The following MTRFR variants were observed in gnomAD, a reference collection of about 807,000 sequenced individuals.
The protein encoded by MTRFR is probable peptide chain release factor C12orf65, mitochondrial.
A neutral mutation model predicts 11.9 loss-of-function variants in MTRFR; 10 were observed. The ratio of observed to expected loss-of-function variants is 0.84; its 90% CI spans 0.52 to 1.42. The LOEUF (loss-of-function observed/expected upper bound fraction) is 1.42, where lower values mean the gene tolerates loss of function less well. Ranked by LOEUF, MTRFR falls within the 40% of genes most tolerant of loss-of-function variation. The pLI is 0.00. For synonymous variants in MTRFR, 77 were observed against 79.1 expected (o/e 0.97, Z 0.14); for missense variants, 196 against 197.9 (o/e 0.99, Z 0.06).
At chr12:123,253,582 A>C in intron 1 of MTRFR, 65 bp from the exon 2 acceptor site, 1 of 1,510,254 alleles carries the variant, frequency 6.6e-7, no homozygotes, top group South Asian at 1.1e-5. Flanking sequence ...CTGTCTTTGA[A>C]TCTGAAGCAT....
rs774090934 is a variant in MTRFR, at chr12:123,253,886, G to A, written c.212G>A (p.Gly71Glu). ...CAGTTTGTGAAAGGACACGGTCCAGGGGGCCAGGCAACCAACAAAACCAGC... is the reference window on the plus strand; with the variant it reads ...CAGTTTGTGAAAGGACACGGTCCAGAGGGCCAGGCAACCAACAAAACCAGC... ...EEQFVKGHGP[G>E]GQATNKTSNC... Residue 71 changes from glycine to glutamate, a missense_variant, in exon 2 of 3, where the codon GGG becomes GAG. Gly to Glu is a moderately conservative substitution (Grantham distance 98, BLOSUM62 -2). Coordinates refer to ENST00000253233, the MANE Select transcript of MTRFR (RefSeq NM_152269.5). 1.2e-6 allele frequency: 2 copies of A among 1,614,204 alleles called. No individual in the cohort carries two copies. The highest frequency in any genetic ancestry group is 3.3e-5 in the Admixed American group (2 of 60,018).
At chr12:123,247,045 A>G (rs1565995002) in intron 1 of MTRFR, among the ~76,000 whole-genome samples, 1 of 151,872 alleles carries the variant, frequency 6.6e-6, no homozygotes. Flanking sequence ...AATTTTCTTA[A>G]ATTTATTGAG....
At chr12:123,241,774 G>A (rs2047942273) in intron 1 of MTRFR, among the ~76,000 whole-genome samples, 1 of 152,212 alleles carries the variant, frequency 6.6e-6, no homozygotes, top group African/African-American at 2.4e-5. Context: ...TCCGGCCACA[G>A]GCCTTGTTGC....
At position 123,253,723 on chromosome 12, in the gene MTRFR, T is replaced by C. The variant is rs1324562992; in HGVS notation, c.49T>C (p.Cys17Arg). The C allele has an allele frequency of 2.5e-6, 4 of 1,614,192 alleles. No homozygotes were observed. Among genetic ancestry groups the C allele is most frequent in the Non-Finnish European group, 3.4e-6 (4 of 1,180,038 alleles). Residue 17 changes from cysteine (C) to arginine (R), a missense_variant, in exon 2 of 3, where the codon TGC becomes CGC. Coordinates refer to ENST00000253233, the MANE Select transcript of MTRFR (RefSeq NM_152269.5). ...TTTTCCTACACCACTGACCCGAATA[T>C]GCCCGGCGCCATGGGGACTCCGGCT... ...FHFPTPLTRI[C>R]PAPWGLRLWE...
rs1158813876 is a variant in MTRFR, at chr12:123,256,825, A to G, written c.295A>G (p.Arg99Gly). The change falls in exon 3 of 3, where the codon AGA (arginine) becomes GGA (glycine). Residue 99 changes from arginine to glycine, a missense_variant. Transcript: ENST00000253233. ...SGIVVKCHQT[R>G]SVDQNRKLAR... ...TTATCTCTTACAGTGCCATCAGACA[A>G]GATCAGTTGATCAGAACAGAAAGCT... 2.5e-6 allele frequency: 4 copies of G among 1,612,232 alleles called. No homozygotes were observed. The highest frequency in any genetic ancestry group is 3.4e-6 in the Non-Finnish European group (4 of 1,178,316).
chr12:123,237,923 TCTCA>T, intron 1 of MTRFR, among the ~76,000 whole-genome samples: 1 of 149,866 alleles, frequency 6.7e-6, no homozygotes, highest in South Asian at 2.1e-4. Flanking sequence ...TGAGACGGAG[TCTCA>T]CTCTGTCACC....
chr12:123,239,130 A>G (rs1165648088), intron 1 of MTRFR, among the ~76,000 whole-genome samples: 11 of 152,130 alleles, frequency 7.2e-5, no homozygotes, highest in Admixed American at 7.2e-4. Flanking sequence ...TTAGCCAGGC[A>G]TGCTGGTACA....
chr12:123,235,870 C>G (rs2047842939), intron 1 of MTRFR, among the ~76,000 whole-genome samples: 1 of 151,754 alleles, frequency 6.6e-6, no homozygotes, highest in South Asian at 2.1e-4. Context: ...TCGAGACCAG[C>G]CTGGCCAACA....
chr12:123,250,751 G>C (rs1305767239), intron 1 of MTRFR: 1 of 152,302 alleles, frequency 6.6e-6, no homozygotes, highest in African/African-American at 2.4e-5. Context: ...CTGTTCGGTG[G>C]AGGTGGCAGA....
At chr12:123,236,066 AAAAT>A (rs1177514764) in intron 1 of MTRFR, among the ~76,000 whole-genome samples, 3 of 152,094 alleles carry the variant, frequency 2.0e-5, no homozygotes, top group Non-Finnish European at 4.4e-5. Flanking sequence ...TCGTCTCAAA[AAAAT>A]AAATAAATAA....
chr12:123,244,420 G>A (rs1217941398), intron 1 of MTRFR, among the ~76,000 whole-genome samples: 7 of 150,922 alleles, frequency 4.6e-5, no homozygotes, highest in Non-Finnish European at 7.4e-5. Context: ...CAGCAAGAGC[G>A]AAACTCCATC....
chr12:123,246,775 G>T (rs2048048735), intron 1 of MTRFR, among the ~76,000 whole-genome samples: 1 of 132,026 alleles, frequency 7.6e-6, no homozygotes, highest in Non-Finnish European at 1.5e-5. Flanking sequence ...CTGTCGCCCA[G>T]GCTGGAGTGC....
At chr12:123,249,674 C>T (rs923332976) in intron 1 of MTRFR, 9 of 152,432 alleles carry the variant, frequency 5.9e-5, no homozygotes, top group South Asian at 2.1e-4. Context: ...TCCCCACAAG[C>T]GGAGGGAGCC....
chr12:123,242,956 ATTTTG>A (rs1169287416), intron 1 of MTRFR, among the ~76,000 whole-genome samples: 1 of 152,202 alleles, frequency 6.6e-6, no homozygotes, highest in Non-Finnish European at 1.5e-5. Flanking sequence ...ACACAAATGA[ATTTTG>A]TTTTGTGGAT....
At chr12:123,241,873 T>C (rs1201351738) in intron 1 of MTRFR, among the ~76,000 whole-genome samples, 1 of 152,198 alleles carries the variant, frequency 6.6e-6, no homozygotes, top group African/African-American at 2.4e-5. Flanking sequence ...CCAGATCCAG[T>C]CATGAAGAAC....
At chr12:123,246,412 T>G (rs780316868) in intron 1 of MTRFR, among the ~76,000 whole-genome samples, 20 of 152,194 alleles carry the variant, frequency 1.3e-4, no homozygotes, top group Non-Finnish European at 2.2e-4. Context: ...GCAGGTTATT[T>G]AATTTGCATG....
intron 1 of MTRFR, among the ~76,000 whole-genome samples, chr12:123,245,243 C>T (rs922861669): frequency 6.6e-6 from 1 of 152,098 alleles, no homozygotes; most frequent in Non-Finnish European, 1.5e-5. Context: ...GCCCTACGTG[C>T]CTATTTTTAT....
chr12:123,253,107 T>TTTTTTTTTTTTTTTG lies in MTRFR; in HGVS notation c.-28-540_-28-539insTTTTTTTTTTTTTTG, dbSNP rs766114484. 2.4e-3 allele frequency among the ~76,000 whole-genome samples: 149 copies of TTTTTTTTTTTTTTTG among 63,358 alleles called. 53 individuals carry two copies. Among genetic ancestry groups the TTTTTTTTTTTTTTTG allele is most frequent in the Non-Finnish European group, 4.2e-3 (124 of 29,410 alleles). The allele number at this position is 63,358 out of a possible 152,430, so 41.6% of individuals were successfully genotyped here. ...TTTTTTTTTTTTTTTTTTTTTTTTT[T>TTTTTTTTTTTTTTTG]GAGACACTGTCTCGCTCTGTTGTCC... is the stretch of plus-strand genomic sequence containing the variant. On this transcript the variant is annotated intron_variant, in intron 1 of 2. Coordinates refer to ENST00000253233, the MANE Select transcript of MTRFR (RefSeq NM_152269.5).
At chr12:123,247,592 C>T (rs1156318093) in intron 1 of MTRFR, among the ~76,000 whole-genome samples, 1 of 152,134 alleles carries the variant, frequency 6.6e-6, no homozygotes. Flanking sequence ...CTTATCCATT[C>T]TGCAGTTCTG....
Sources: allele counts gnomAD v4.1 joint callset (sites outside exome capture counted in the v4.1 genomes callset), GRCh38; gene constraint gnomAD v4.1.1; transcripts MANE v1.5; gene names NCBI Gene and HGNC (gene_info 2026-07-23, HGNC 2026-07-21).